ABHD12: variants seen among roughly 807,000 people sequenced by gnomAD.
The protein encoded by ABHD12 is lysophosphatidylserine lipase ABHD12.
Under a neutral mutation model 58.3 loss-of-function variants are expected in ABHD12, and 43 were observed. The ratio of observed to expected loss-of-function variants is 0.74; its 90% confidence interval spans 0.58 to 0.95. The LOEUF is 0.95. Among genes scored for constraint, ABHD12 ranks in the 40% least tolerant of loss-of-function variants. The pLI is 0.00. For synonymous variants in ABHD12, 219 were observed against 211.2 expected, an observed-to-expected ratio of 1.04 and a Z score of -0.32; for missense variants, 539 against 537.2, an observed-to-expected ratio of 1.00 and a Z score of -0.03.
At chr20:25,295,572 G>A (rs765729864), downstream of ABHD12, 1 of 1,601,612 alleles carries the variant, frequency 6.2e-7, no homozygotes, top group Non-Finnish European at 8.6e-7. Context: ...GCTCCCTGCT[G>A]CCCTGGCCCA....
At position 25,308,285 on chromosome 20, in the gene ABHD12, G is replaced by A. The variant is rs565736266; in HGVS notation, c.787+172C>T. ...TCTGGGGCCAGACCTGTGTGTGTGA[G>A]GCTCCCCAGCTCCTCAGGTGTATCA... On this transcript the variant is annotated intron_variant, in intron 8 of 12. Transcript: ENST00000339157. 6.6e-5 allele frequency among the ~76,000 whole-genome samples: 10 copies of A among 152,326 alleles called. No individual in the cohort carries two copies. In the South Asian group the frequency reaches 2.1e-3, roughly 32 times the overall value.
Position 25,303,465 on chromosome 20 carries a change from C to T in ABHD12, c.1029+85G>A, listed in dbSNP as rs183993369. The T allele has an allele frequency of 1.1e-4, 172 of 1,571,914 alleles. 1 individual carries two copies. The African/African-American group carries it at 2.0e-3, about 18-fold the overall frequency. ...ATGCAGCATGCAGGGGCTGCCTTCC[C>T]GCCTGCCCACTCCCAGCCTGGTCCA... On this transcript the variant is annotated intron_variant, in intron 11 of 12. Coordinates refer to ENST00000339157, the MANE Select transcript of ABHD12 (RefSeq NM_001042472.3).
At position 25,303,931 on chromosome 20, in the gene ABHD12, C is replaced by G. The variant is rs373549288; in HGVS notation, c.951-303G>C. ...TTTAAGCGGAATAATTCAGGTGGGCCAAGAAACTTAGTGTAAATGAATGTT... is the reference window on the plus strand; with the variant it reads ...TTTAAGCGGAATAATTCAGGTGGGCGAAGAAACTTAGTGTAAATGAATGTT... On this transcript the variant is annotated intron_variant, in intron 10 of 12. Coordinates refer to ENST00000339157, the MANE Select transcript of ABHD12 (RefSeq NM_001042472.3). Among the ~76,000 whole-genome samples, 178 of 152,280 alleles carry G rather than the reference C, an allele frequency of 1.2e-3. 1 individual carries two copies. The highest frequency in any genetic ancestry group is 4.1e-3 in the African/African-American group (170 of 41,548).
intron 1 of ABHD12, chr20:25,368,748 G>A (rs2089859274): frequency 2.9e-6 from 3 of 1,034,850 alleles, no homozygotes; most frequent in Non-Finnish European, 4.5e-6. Flanking sequence ...CAATGTTGAA[G>A]AACAGTGGGG....
chr20:25,297,753 T>C (rs1333127453), downstream of ABHD12: 1 of 152,280 alleles, frequency 6.6e-6, no homozygotes, highest in East Asian at 1.9e-4. Context: ...GCTCTTTTTC[T>C]CCCTGGCCTC....
At chr20:25,368,443 A>T in intron 1 of ABHD12, 1 of 1,598,354 alleles carries the variant, frequency 6.3e-7, no homozygotes, top group Non-Finnish European at 8.6e-7. Flanking sequence ...AAAACTGGGA[A>T]CCGTTTGTGT....
downstream of ABHD12, chr20:25,296,587 T>TC (rs1185601226): frequency 1.9e-5 from 30 of 1,544,676 alleles, no homozygotes; most frequent in South Asian, 2.4e-5. Flanking sequence ...CCTCCTTTTT[T>TC]CCCCAAACAC....
intron 3 of ABHD12, among the ~76,000 whole-genome samples, chr20:25,321,843 G>A (rs558450876): frequency 6.6e-6 from 1 of 152,262 alleles, no homozygotes; most frequent in East Asian, 1.9e-4. Flanking sequence ...AATCAAATCA[G>A]GAAGTGACAA....
At position 25,374,844 on chromosome 20, in the gene ABHD12, A is replaced by C. The variant is rs532008894; in HGVS notation, c.191+15669T>G. Among the ~76,000 whole-genome samples, 7 of 152,322 alleles carry C rather than the reference A, an allele frequency of 4.6e-5. No homozygotes were observed. The East Asian group carries it at 1.2e-3, about 25-fold the overall frequency. On this transcript the variant is annotated intron_variant, in intron 1 of 12. Coordinates refer to ENST00000339157, the MANE Select transcript of ABHD12 (RefSeq NM_001042472.3). ...TCTCTTCAACACTAACGTGCGTGTC[A>C]GTACTCAGTCGGTTTTCATTGATTA...
intron 10 of ABHD12, 77 bp from the exon 11 acceptor site, chr20:25,303,705 T>A: frequency 6.3e-7 from 1 of 1,594,992 alleles, no homozygotes; most frequent in Non-Finnish European, 8.5e-7. Context: ...ATGGCAGGGA[T>A]CTGGGTTCAG....
chr20:25,308,212 A>T (rs1052006772), intron 8 of ABHD12, among the ~76,000 whole-genome samples, 167 bp from the exon 9 acceptor site: 4 of 152,206 alleles, frequency 2.6e-5, no homozygotes, highest in African/African-American at 9.6e-5. Context: ...CGCCAGGGGA[A>T]CAGAGATGGC....
rs563050355 is a variant in ABHD12 at position 25,368,216 on chromosome 20, C to A, written c.191+22297G>T. On this transcript the variant is annotated intron_variant, in intron 1 of 12. Transcript: ENST00000339157. ...TGAGAGCAAATGGGGTGGAGGGGTG[C>A]TCTCCTGAGCTACAGAAGGAATGGT... 9.1e-6 allele frequency: 12 copies of A among 1,319,682 alleles called. No homozygotes were observed. In the Admixed American group the frequency reaches 1.6e-4, roughly 17 times the overall value. 81.7% of individuals were successfully genotyped at this position (1,319,682 alleles called of 1,614,324 possible).
intron 3 of ABHD12, among the ~76,000 whole-genome samples, chr20:25,322,631 C>T (rs1600796938): frequency 1.3e-5 from 2 of 151,378 alleles, no homozygotes; most frequent in South Asian, 2.1e-4. Flanking sequence ...GTGATCCACC[C>T]GTCTCGGCCT....
chr20:25,298,522 T>G (rs1348393391), downstream of ABHD12, among the ~76,000 whole-genome samples: 1 of 152,204 alleles, frequency 6.6e-6, no homozygotes, highest in Non-Finnish European at 1.5e-5. Context: ...CCGAAAGTGC[T>G]GAGATTACAG....
rs774021710 is a variant in ABHD12 at position 25,314,923 on chromosome 20, A to G, written c.619+2T>C. The G allele has an allele frequency of 1.9e-6, 3 of 1,614,080 alleles. No homozygotes were observed. The East Asian group carries it at 6.7e-5, about 36-fold the overall frequency. ...CAGATGCTCTTGCAAAAGAAATCTCACCTCTGTAGTCAAAGGTGACCACAT... is the reference window on the plus strand; with the variant it reads ...CAGATGCTCTTGCAAAAGAAATCTCGCCTCTGTAGTCAAAGGTGACCACAT... On this transcript the variant is annotated splice_donor_variant, in intron 6 of 12. Coordinates refer to ENST00000339157, the MANE Select transcript of ABHD12 (RefSeq NM_001042472.3). LOFTEE classifies it high-confidence loss of function.
chr20:25,361,198 G>A (rs71337908), intron 1 of ABHD12, among the ~76,000 whole-genome samples: 4,494 of 152,268 alleles, frequency 0.03, 86 homozygotes, highest in South Asian at 0.058. Flanking sequence ...GACTCACTCA[G>A]GCCCCTGCAC....
chr20:25,309,294 C>T (rs1481576007), intron 7 of ABHD12, 152 bp downstream of exon 7: 3 of 1,177,148 alleles, frequency 2.5e-6, no homozygotes, highest in East Asian at 2.4e-5. Flanking sequence ...GTAACTTCCC[C>T]TCCTGCCTCT....
intron 2 of ABHD12, among the ~76,000 whole-genome samples, chr20:25,337,189 C>G (rs1331987055): frequency 6.6e-6 from 1 of 152,180 alleles, no homozygotes; most frequent in Non-Finnish European, 1.5e-5. Context: ...TCACCTGAAC[C>G]TGGGAGGTCG....
chr20:25,386,415 C>A (rs561645818), intron 1 of ABHD12, among the ~76,000 whole-genome samples: 1 of 151,140 alleles, frequency 6.6e-6, no homozygotes, highest in African/African-American at 2.4e-5. Context: ...CCCGCCACCA[C>A]GCCTGGCTAA....
Sources: allele counts gnomAD v4.1 joint callset (sites outside exome capture counted in the v4.1 genomes callset), GRCh38; gene constraint gnomAD v4.1.1; transcripts MANE v1.5; gene names NCBI Gene and HGNC (gene_info 2026-07-23, HGNC 2026-07-21).